MYO9A: variants seen among roughly 807,000 people sequenced by gnomAD.
MYO9A encodes the protein myosin IXA.
Under a neutral mutation model 293.3 loss-of-function variants are expected in MYO9A, and 103 were observed. The ratio of observed to expected loss-of-function variants is 0.35; its 90% CI spans 0.30 to 0.41. The LOEUF (loss-of-function observed/expected upper bound fraction) is 0.41. MYO9A is among the 10% of genes least tolerant of loss of function. The pLI, the probability that MYO9A is intolerant of heterozygous loss-of-function variation, is 1.00. For missense variants in MYO9A, 2,685 were observed against 3,033.0 expected (o/e 0.89, Z 2.69); for synonymous variants, 1,001 against 1,035.7 (o/e 0.97, Z 0.64).
chr15:71,916,254 C>T, intron 19 of MYO9A, 116 bp downstream of exon 19: 1 of 1,265,374 alleles, frequency 7.9e-7, no homozygotes, highest in Non-Finnish European at 1.1e-6. Flanking sequence ...TAATATATGG[C>T]TTTTTAGTCA....
chr15:71,865,881 C>A (rs888370287), intron 32 of MYO9A, among the ~76,000 whole-genome samples: 5 of 152,178 alleles, frequency 3.3e-5, no homozygotes, highest in Non-Finnish European at 5.9e-5. Flanking sequence ...CAAGTAATTT[C>A]TTGAGACAAC....
intron 14 of MYO9A, chr15:71,959,623 C>T: frequency 3.9e-6 from 1 of 257,110 alleles, no homozygotes; most frequent in South Asian, 1.1e-4. Flanking sequence ...TTTAAAAATC[C>T]ATGAACTAAG....
intron 12 of MYO9A, among the ~76,000 whole-genome samples, chr15:71,977,895 G>A (rs1175443616): frequency 6.6e-6 from 1 of 152,146 alleles, no homozygotes; most frequent in Non-Finnish European, 1.5e-5. Context: ...AAATTAGCCA[G>A]GCATGGTGGC....
chr15:71,869,150 T>C (rs994908101), intron 32 of MYO9A, among the ~76,000 whole-genome samples: 6 of 152,186 alleles, frequency 3.9e-5, no homozygotes, highest in Non-Finnish European at 8.8e-5. Context: ...TAGTAAGAGT[T>C]TGAGGAATAA....
chr15:71,941,254 G>A (rs1007722283), intron 15 of MYO9A, among the ~76,000 whole-genome samples: 3 of 152,036 alleles, frequency 2.0e-5, no homozygotes, highest in African/African-American at 2.4e-5. Context: ...TGGCTAACAC[G>A]GTAAAACCCC....
At chr15:71,944,091 G>T (rs2957728) in intron 15 of MYO9A, among the ~76,000 whole-genome samples, 100,221 of 151,844 alleles carry the variant, frequency 0.66, 33,867 homozygotes, top group Middle Eastern at 0.74. Context: ...ATTACAATTT[G>T]CCTTTCCATA....
In MYO9A at chr15:72,086,737, C is replaced by A. The variant is rs531718287; in HGVS notation, c.-72+30943G>T. Among the ~76,000 whole-genome samples, 3 of 122,524 alleles carry A rather than the reference C, an allele frequency of 2.4e-5. No homozygotes were observed. In the East Asian group the frequency reaches 7.5e-4, roughly 31 times the overall value. 80.4% of individuals were successfully genotyped at this position (122,524 alleles called of 152,430 possible). On this transcript the variant is annotated intron_variant, in intron 1 of 41. Coordinates refer to ENST00000356056, the MANE Select transcript of MYO9A (RefSeq NM_006901.4). ...GGCAGGCAGGCTGGTGCATATCCAC[C>A]GGGGCTGTTTTGTTTTTTTTGTTGT...
intron 12 of MYO9A, among the ~76,000 whole-genome samples, chr15:71,971,798 T>C (rs111416157): frequency 5.1e-4 from 76 of 150,030 alleles, no homozygotes; most frequent in Non-Finnish European, 7.2e-4. Context: ...TAAATAAATA[T>C]ATATATTTAT....
intron 1 of MYO9A, among the ~76,000 whole-genome samples, chr15:72,077,026 CAA>C (rs34070169): frequency 6.8e-6 from 1 of 147,612 alleles, no homozygotes. Flanking sequence ...CAACTACATC[CAA>C]AAAAAAAAAA....
At chr15:71,960,960 G>A (rs1433657084) in intron 13 of MYO9A, among the ~76,000 whole-genome samples, 1 of 152,150 alleles carries the variant, frequency 6.6e-6, no homozygotes, top group East Asian at 1.9e-4. Flanking sequence ...AGAAAGTGTG[G>A]AAGATTAGAT....
At chr15:71,981,641 G>GTGTCTCTCTCTCTCTCTC (rs1298978375) in intron 11 of MYO9A, among the ~76,000 whole-genome samples, 1 of 144,396 alleles carries the variant, frequency 6.9e-6, no homozygotes, top group Non-Finnish European at 1.5e-5. Context: ...TCTCTGTCTT[G>GTGTCTCTCTCTCTCTCTC]TCTCTCTCTC....
intron 39 of MYO9A, among the ~76,000 whole-genome samples, chr15:71,845,657 A>ATTCTT (rs2055352987): frequency 6.6e-6 from 1 of 152,236 alleles, no homozygotes; most frequent in Non-Finnish European, 1.5e-5. Flanking sequence ...CAGTCTTCAT[A>ATTCTT]TTCTTTTGCT....
chr15:72,103,103 G>T (rs2080417750), intron 1 of MYO9A, among the ~76,000 whole-genome samples: 1 of 147,814 alleles, frequency 6.8e-6, no homozygotes, highest in African/African-American at 2.5e-5. Context: ...GGCTGAGGAA[G>T]GAGAATCACT....
At chr15:72,031,329 A>G (rs918192246) in intron 3 of MYO9A, among the ~76,000 whole-genome samples, 1 of 152,216 alleles carries the variant, frequency 6.6e-6, no homozygotes, top group Admixed American at 6.5e-5. Context: ...CTACCAAAAA[A>G]TACAAAATTA....
At chr15:72,112,298 A>T (rs1456778438) in intron 1 of MYO9A, among the ~76,000 whole-genome samples, 1 of 152,218 alleles carries the variant, frequency 6.6e-6, no homozygotes, top group East Asian at 1.9e-4. Context: ...TCCTCACTGT[A>T]CATGTAAAAT....
At chr15:72,020,096 C>CA (rs763333628) in intron 5 of MYO9A, among the ~76,000 whole-genome samples, 83 of 152,018 alleles carry the variant, frequency 5.5e-4, no homozygotes, top group Non-Finnish European at 9.4e-4. Context: ...GCTATCTGAA[C>CA]CATCATCAAA....
At chr15:72,049,000 T>C (rs1179922169) in intron 1 of MYO9A, among the ~76,000 whole-genome samples, 2 of 152,196 alleles carry the variant, frequency 1.3e-5, no homozygotes, top group African/African-American at 4.8e-5. Context: ...ACCCTCAGTA[T>C]GTAATTTAAT....
chr15:72,049,496 C>T, intron 1 of MYO9A, among the ~76,000 whole-genome samples: 1 of 152,126 alleles, frequency 6.6e-6, no homozygotes, highest in East Asian at 1.9e-4. Flanking sequence ...TGTACCACTC[C>T]AGGAGATGTA....
intron 11 of MYO9A, among the ~76,000 whole-genome samples, chr15:71,984,977 T>G (rs62025609): frequency 0.025 from 3,779 of 152,256 alleles, 74 homozygotes; most frequent in Non-Finnish European, 0.038. Flanking sequence ...TGCAGTGCAG[T>G]GGTACAAACT....
Sources: allele counts gnomAD v4.1 joint callset (sites outside exome capture counted in the v4.1 genomes callset), GRCh38; gene constraint gnomAD v4.1.1; transcripts MANE v1.5; gene names NCBI Gene and HGNC (gene_info 2026-07-23, HGNC 2026-07-21).